IMMP2L: variants seen among roughly 807,000 people sequenced by gnomAD.
The protein encoded by IMMP2L is mitochondrial inner membrane protease subunit 2.
A neutral mutation model predicts 19.3 loss-of-function variants in IMMP2L; 18 were observed. The ratio of observed to expected loss-of-function variants is 0.93; its 90% confidence interval spans 0.64 to 1.38. The LOEUF (loss-of-function observed/expected upper bound fraction) is 1.38, where lower values mean the gene tolerates loss of function less well. IMMP2L is among the 40% of genes most tolerant of loss of function. IMMP2L has a pLI of 0.00. For synonymous variants in IMMP2L, 76 were observed against 73.0 expected, an observed-to-expected ratio of 1.04 and a Z score of -0.21; for missense variants, 233 against 218.2, an observed-to-expected ratio of 1.07 and a Z score of -0.43.
intron 3 of IMMP2L, among the ~76,000 whole-genome samples, chr7:111,262,330 TTAGTAAAGGCCTGAATGC>T (rs1757997499): frequency 1.3e-5 from 2 of 150,742 alleles, no homozygotes; most frequent in South Asian, 4.2e-4. Flanking sequence ...CCAGGGAGGG[TTAGTAAAGGCCTGAATGC>T]TAGTAAAGGC....
At chr7:110,938,751 T>C (rs1304895014) in intron 4 of IMMP2L, among the ~76,000 whole-genome samples, 2 of 152,060 alleles carry the variant, frequency 1.3e-5, no homozygotes, top group South Asian at 4.1e-4. Flanking sequence ...ACAAAAATAG[T>C]TGCTCTTTTT....
At chr7:110,971,357 A>AT (rs1438705450) in intron 3 of IMMP2L, among the ~76,000 whole-genome samples, 2 of 152,020 alleles carry the variant, frequency 1.3e-5, no homozygotes, top group African/African-American at 2.4e-5. Context: ...ACCATATGAT[A>AT]TTTTTTCAGG....
intron 3 of IMMP2L, among the ~76,000 whole-genome samples, chr7:111,387,639 C>T (rs1016526988): frequency 1.3e-5 from 2 of 152,094 alleles, no homozygotes; most frequent in East Asian, 3.9e-4. Flanking sequence ...AAGCTAAGCA[C>T]TAAAGTTCTG....
At chr7:111,526,109 T>G (rs4730488) in intron 1 of IMMP2L, among the ~76,000 whole-genome samples, 65,545 of 151,990 alleles carry the variant, frequency 0.43, 14,734 homozygotes, top group Non-Finnish European at 0.5. Flanking sequence ...AAGTTCAGTT[T>G]GGATAGAGTA....
intron 3 of IMMP2L, among the ~76,000 whole-genome samples, chr7:110,996,597 T>A (rs2129560467): frequency 6.6e-6 from 1 of 152,246 alleles, no homozygotes; most frequent in East Asian, 1.9e-4. Context: ...AGAACCAGAT[T>A]AGCAATCCCT....
At chr7:111,010,620 A>G (rs1824840296) in intron 3 of IMMP2L, among the ~76,000 whole-genome samples, 1 of 152,110 alleles carries the variant, frequency 6.6e-6, no homozygotes, top group African/African-American at 2.4e-5. Context: ...CAGGGAATGT[A>G]TAGATCCAGG....
At chr7:111,014,994 G>A (rs1435695172) in intron 3 of IMMP2L, among the ~76,000 whole-genome samples, 1 of 152,138 alleles carries the variant, frequency 6.6e-6, no homozygotes, top group East Asian at 1.9e-4. Flanking sequence ...ATACAGTAAG[G>A]AGGTTCCTCA....
chr7:111,416,948 C>T (rs1005835524), intron 3 of IMMP2L, among the ~76,000 whole-genome samples: 3 of 151,270 alleles, frequency 2.0e-5, no homozygotes, highest in African/African-American at 7.3e-5. Flanking sequence ...ATATACTATC[C>T]AATACAGTAA....
chr7:111,503,341 C>CA (rs1280748312), intron 2 of IMMP2L, among the ~76,000 whole-genome samples: 1 of 151,846 alleles, frequency 6.6e-6, no homozygotes, highest in Non-Finnish European at 1.5e-5. Context: ...GCTTACCAAC[C>CA]AAAAAAAGTC....
At chr7:111,363,153 C>T (rs1829422353) in intron 3 of IMMP2L, among the ~76,000 whole-genome samples, 1 of 152,040 alleles carries the variant, frequency 6.6e-6, no homozygotes, top group Non-Finnish European at 1.5e-5. Flanking sequence ...ATATAAGGCA[C>T]ATCTTTGCAT....
intron 3 of IMMP2L, among the ~76,000 whole-genome samples, chr7:111,256,367 T>A (rs1816697335): frequency 2.6e-5 from 4 of 152,210 alleles, no homozygotes; most frequent in African/African-American, 9.6e-5. Flanking sequence ...AAAAATAATG[T>A]TTAAATCTAA....
intron 3 of IMMP2L, among the ~76,000 whole-genome samples, chr7:111,437,696 T>C (rs1837319663): frequency 6.6e-6 from 1 of 151,992 alleles, no homozygotes; most frequent in Admixed American, 6.5e-5. Context: ...ATGGTATCTA[T>C]TTTTATCTGA....
chr7:111,403,668 G>C (rs1033422701), intron 3 of IMMP2L, among the ~76,000 whole-genome samples: 1 of 152,010 alleles, frequency 6.6e-6, no homozygotes, highest in Non-Finnish European at 1.5e-5. Context: ...AAAAAGTTAA[G>C]CAGCTATTCC....
At chr7:111,302,765 T>C (rs1465425486) in intron 3 of IMMP2L, among the ~76,000 whole-genome samples, 1 of 152,164 alleles carries the variant, frequency 6.6e-6, no homozygotes, top group Non-Finnish European at 1.5e-5. Flanking sequence ...GAATCTTTTA[T>C]TTGGTGACTT....
Position 111,220,576 on chromosome 7 carries a change from TGATGGATG to T in IMMP2L, c.240-257019_240-257012del, listed in dbSNP as rs34015257. Among the ~76,000 whole-genome samples the T allele has an allele frequency of 1.7e-3, 253 of 148,366 alleles. 1 individual carries two copies. Among genetic ancestry groups the T allele is most frequent in the East Asian group, 3.6e-3 (18 of 5,010 alleles). On this transcript the variant is annotated intron_variant, in intron 3 of 5. Transcript: ENST00000405709. ...TTACTCAGGCTTCTCCAGAGAAACA[TGATGGATG>T]GATGGATGGATGGATGGATGGATGG...
chr7:110,681,986 G>A (rs770302891), intron 5 of IMMP2L, among the ~76,000 whole-genome samples: 1 of 152,126 alleles, frequency 6.6e-6, no homozygotes, highest in Admixed American at 6.5e-5. Flanking sequence ...ATCATGCATA[G>A]GAAAAGAAGA....
intron 1 of IMMP2L, among the ~76,000 whole-genome samples, chr7:111,524,117 C>T (rs1351246866): frequency 6.6e-6 from 1 of 152,048 alleles, no homozygotes; most frequent in East Asian, 1.9e-4. Flanking sequence ...ATGCATTTTC[C>T]TCAATATTAG....
At chr7:110,975,279 C>T (rs1229695736) in intron 3 of IMMP2L, among the ~76,000 whole-genome samples, 2 of 152,078 alleles carry the variant, frequency 1.3e-5, no homozygotes, top group Non-Finnish European at 2.9e-5. Context: ...ACCTTTCAAG[C>T]TGTATAACTA....
intron 4 of IMMP2L, among the ~76,000 whole-genome samples, chr7:110,929,567 A>T (rs1815248599): frequency 6.6e-6 from 1 of 152,198 alleles, no homozygotes; most frequent in Non-Finnish European, 1.5e-5. Context: ...AGTACTGAGC[A>T]TTATTTGCAG....
Sources: allele counts gnomAD v4.1 joint callset (sites outside exome capture counted in the v4.1 genomes callset), GRCh38; gene constraint gnomAD v4.1.1; transcripts MANE v1.5; gene names NCBI Gene and HGNC (gene_info 2026-07-23, HGNC 2026-07-21).